DNHD1: variants seen among roughly 807,000 people sequenced by gnomAD.
The protein encoded by DNHD1 is dynein heavy chain domain 1, also known as dynein heavy chain domain-containing protein 1.
DNHD1 carries 383 observed loss-of-function variants against 458.1 expected under a neutral mutation model. The ratio of observed to expected loss-of-function variants is 0.84; its 90% CI spans 0.77 to 0.91. The LOEUF is 0.91. Among genes scored for constraint, DNHD1 ranks in the 40% least tolerant of loss-of-function variants. The probability of loss-of-function intolerance (pLI) is 0.00; values close to 1 mark genes in which losing one functional copy is unlikely to be tolerated. For synonymous variants in DNHD1, 2,203 were observed against 2,376.9 expected (o/e 0.93, Z 2.13); for missense variants, 5,336 against 5,866.1 (o/e 0.91, Z 2.95).
At chr11:6,566,171 C>T in intron 33 of DNHD1, 70 bp from the exon 34 acceptor site, 1 of 1,527,678 alleles carries the variant, frequency 6.5e-7, no homozygotes, top group Non-Finnish European at 8.8e-7. Context: ...AGAGCCAGAC[C>T]TCGTGCCTGG....
Position 6,533,141 on chromosome 11 carries a change from C to T in DNHD1, c.2462C>T (p.Thr821Ile), listed in dbSNP as rs1852863242. ...ELTDFMHIFRTINSDIHAIAQ... is the reference protein window; with the variant it reads ...ELTDFMHIFRIINSDIHAIAQ... ...ACAGATTTCATGCATATCTTCCGAA[C>T]CATCAACTCAGATATTCATGCCATT... Residue 821 changes from threonine (T) to isoleucine (I), a missense_variant, in exon 13 of 43, where the codon ACC becomes ATC. By Grantham distance (89) the Thr-to-Ile change is moderately conservative. Around this residue, in one of 4 missense-constraint regions of DNHD1, gnomAD observed 3,932 missense variants for 4,365.6 expected, o/e 0.90. Transcript: ENST00000254579. 1 of 1,551,678 alleles carries T rather than the reference C, an allele frequency of 6.4e-7. No individual in the cohort carries two copies. The highest frequency in any genetic ancestry group is 8.7e-7 in the Non-Finnish European group (1 of 1,146,988).
At position 6,557,114 on chromosome 11, in the gene DNHD1, A is replaced by G. The variant is rs1282349986; in HGVS notation, c.7819A>G (p.Arg2607Gly). 1 of 1,551,618 alleles carries G rather than the reference A, an allele frequency of 6.4e-7. No individual in the cohort carries two copies. The highest frequency in any genetic ancestry group is 8.7e-7 in the Non-Finnish European group (1 of 1,147,010). The change falls in exon 25 of 43, where the codon AGA becomes GGA. Residue 2607 changes from arginine to glycine, a missense_variant. Around this residue, in one of 4 missense-constraint regions of DNHD1, gnomAD observed 3,932 missense variants for 4,365.6 expected, o/e 0.90. Transcript: ENST00000254579. ...LLSSLQLLPNRTGSRGFVDYP... is the reference protein window; with the variant it reads ...LLSSLQLLPNGTGSRGFVDYP... The stretch of plus-strand genomic sequence containing the variant: ...GAGCAGCCTGCAGCTGCTGCCCAAC[A>G]GAACAGGCTCCCGAGGTTTTGTGGA...
intron 14 of DNHD1, 110 bp downstream of exon 14, chr11:6,534,283 G>A: frequency 9.0e-7 from 1 of 1,115,486 alleles, no homozygotes; most frequent in Non-Finnish European, 1.2e-6. Context: ...GCAAGCCTTG[G>A]GAATCACACA....
In DNHD1 at chr11:6,563,819, G is replaced by A. The variant is rs1229800119; in HGVS notation, c.9979G>A (p.Ala3327Thr). 1.9e-6 allele frequency: 3 copies of A among 1,551,530 alleles called. No homozygotes were observed. The highest frequency in any genetic ancestry group is 2.6e-6 in the Non-Finnish European group (3 of 1,147,002). The change falls in exon 31 of 43, where the codon GCA (alanine) becomes ACA (threonine). Residue 3327 changes from alanine (A) to threonine (T), a missense_variant. Physicochemically the swap from Ala to Thr is moderately conservative, Grantham distance 58. This residue lies in a region of DNHD1 where 3,932 missense variants were observed against 4,365.6 expected (regional missense o/e 0.90). Coordinates refer to ENST00000254579, the MANE Select transcript of DNHD1 (RefSeq NM_144666.3). Reference protein sequence around the residue: ...RAVSRPAASLAAWLWAVLHYG... With the variant: ...RAVSRPAASLTAWLWAVLHYG... Reference sequence around the variant, plus strand: ...AGTGAGCCGACCTGCAGCCAGCCTGGCAGCCTGGCTCTGGGCTGTTCTGCA... The same window carrying A: ...AGTGAGCCGACCTGCAGCCAGCCTGACAGCCTGGCTCTGGGCTGTTCTGCA...
rs1472986256 is a variant in DNHD1, at chr11:6,558,216, A to T, written c.8921A>T (p.Asp2974Val). 1 of 1,551,528 alleles carries T rather than the reference A, an allele frequency of 6.4e-7. No individual in the cohort carries two copies. The highest frequency in any genetic ancestry group is 8.7e-7 in the Non-Finnish European group (1 of 1,146,986). The change falls in exon 25 of 43, where the codon GAT becomes GTT. Residue 2974 changes from aspartate (D) to valine (V), a missense_variant. Coordinates refer to ENST00000254579, the MANE Select transcript of DNHD1 (RefSeq NM_144666.3). ...TTCCCTGGCCAGTACACAGAAGCAG[A>T]TTTGGACCGCATTGGAGAACACCTC... ...GSFPGQYTEA[D>V]LDRIGEHLPR... is the part of the protein sequence containing the mutation.
rs1250049541 is a variant in DNHD1, at chr11:6,552,153, G to A, written c.7387+3220G>A. ...TATGCTAATAAATTTAGCAACTTAG[G>A]TGAAATGGATACATGCTGTATTAGT... On this transcript the variant is annotated intron_variant, in intron 24 of 42. Coordinates refer to ENST00000254579, the MANE Select transcript of DNHD1 (RefSeq NM_144666.3). 4.0e-5 allele frequency among the ~76,000 whole-genome samples: 6 copies of A among 149,838 alleles called. 1 individual carries two copies. In the South Asian group the frequency reaches 8.6e-4, roughly 21 times the overall value.
rs1273301497 is a variant in DNHD1, at chr11:6,571,083, T to C, written c.13571T>C (p.Val4524Ala). The C allele has an allele frequency of 3.1e-6, 5 of 1,587,518 alleles. No homozygotes were observed. Among genetic ancestry groups the C allele is most frequent in the Non-Finnish European group, 4.3e-6 (5 of 1,166,470 alleles). Residue 4524 changes from valine to alanine, a missense_variant, in exon 42 of 43, where the codon GTG becomes GCG. Around this residue, in one of 4 missense-constraint regions of DNHD1, gnomAD observed 698 missense variants for 664.9 expected, o/e 1.05. Coordinates refer to ENST00000254579, the MANE Select transcript of DNHD1 (RefSeq NM_144666.3). The surrounding 1 kb of genome is among the most constrained non-coding windows in gnomAD (Gnocchi z 5.0). ...PPCPSRRCAA[V>A]AHALWTGRLP... The stretch of plus-strand genomic sequence containing the variant: ...TGCCCCTCCCGCCGCTGTGCTGCGG[T>C]GGCCCACGCTCTCTGGACTGGCCGC...
chr11:6,511,245 C>T (rs569751069), intron 6 of DNHD1, 28 bp from the exon 7 acceptor site: 1 of 1,611,188 alleles, frequency 6.2e-7, no homozygotes, highest in African/African-American at 1.3e-5. Flanking sequence ...GGGATGCCAG[C>T]TCTGACCAGC....
intron 7 of DNHD1, among the ~76,000 whole-genome samples, chr11:6,515,516 T>C (rs114011767): frequency 8.2e-4 from 125 of 152,294 alleles, no homozygotes; most frequent in African/African-American, 2.7e-3. Context: ...TGTAATACGA[T>C]TGGAACATTC....
intron 12 of DNHD1, among the ~76,000 whole-genome samples, chr11:6,530,109 A>G (rs10839573): frequency 0.51 from 76,849 of 152,076 alleles, 19,943 homozygotes; most frequent in East Asian, 0.84. Context: ...ACTACAACAC[A>G]TAACAGTATG....
At chr11:6,514,733 A>C (rs182793888) in intron 7 of DNHD1, among the ~76,000 whole-genome samples, 1 of 152,118 alleles carries the variant, frequency 6.6e-6, no homozygotes, top group East Asian at 1.9e-4. Context: ...TGTATACATT[A>C]TTTTCTAAAT....
At chr11:6,538,255 C>T (rs1853006033) in intron 14 of DNHD1, 128 bp from the exon 15 acceptor site, 2 of 724,322 alleles carry the variant, frequency 2.8e-6, no homozygotes, top group Admixed American at 2.5e-5. Context: ...GGAACTCCAC[C>T]TCCCCCACCC....
chr11:6,556,584 A>T, intron 24 of DNHD1, 99 bp from the exon 25 acceptor site: 7 of 1,234,820 alleles, frequency 5.7e-6, no homozygotes, highest in Non-Finnish European at 7.7e-6. Flanking sequence ...AGATTCACAA[A>T]ATTCCTTTAG....
chr11:6,568,618 G>A (rs1356858680), intron 38 of DNHD1, 42 bp downstream of exon 38: 1 of 1,613,684 alleles, frequency 6.2e-7, no homozygotes, highest in African/African-American at 1.3e-5. Context: ...ATTGGAAGTG[G>A]GAGGGCAACT....
In DNHD1 at chr11:6,539,206, T is replaced by C; in HGVS notation, c.3326-13T>C. The C allele has an allele frequency of 6.5e-7, 1 of 1,538,234 alleles. No individual in the cohort carries two copies. Among genetic ancestry groups the C allele is most frequent in the Non-Finnish European group, 8.8e-7 (1 of 1,134,884 alleles). On this transcript the variant is annotated splice_polypyrimidine_tract_variant and intron_variant, in intron 16 of 42. Transcript: ENST00000254579. ...TACTGGGTGTTGCTCTGACTTGTTTTCTCTACCTCCAGCCCTTGGGCTGGG... is the reference window on the plus strand; with the variant it reads ...TACTGGGTGTTGCTCTGACTTGTTTCCTCTACCTCCAGCCCTTGGGCTGGG...
In DNHD1 at chr11:6,548,425, G is replaced by A. The variant is rs878946808; in HGVS notation, c.7098+23G>A. On this transcript the variant is annotated intron_variant, in intron 23 of 42. Coordinates refer to ENST00000254579, the MANE Select transcript of DNHD1 (RefSeq NM_144666.3). This position sits in a 1 kb window ranked among gnomAD's most constrained non-coding sequence, Gnocchi z 4.4. The stretch of plus-strand genomic sequence containing the variant: ...CAGGTGTGAGGACAGTAAGGCAAGA[G>A]CTGGGGTTAGAACTTCAGGACTTAT... The A allele has an allele frequency of 1.3e-6, 2 of 1,549,252 alleles. No individual in the cohort carries two copies. Among genetic ancestry groups the A allele is most frequent in the South Asian group, 2.4e-5 (2 of 83,926 alleles).
At chr11:6,549,307 G>A (rs1281632391) in intron 24 of DNHD1, among the ~76,000 whole-genome samples, 1 of 152,180 alleles carries the variant, frequency 6.6e-6, no homozygotes, top group Non-Finnish European at 1.5e-5. Flanking sequence ...AGCCAGTCAT[G>A]TAAGCCAGAA....
chr11:6,507,697 G>T, intron 4 of DNHD1, among the ~76,000 whole-genome samples: 1 of 151,250 alleles, frequency 6.6e-6, no homozygotes, highest in Non-Finnish European at 1.5e-5. Context: ...CTACACTGTG[G>T]GAAGCTAAAT....
At position 6,570,980 on chromosome 11, in the gene DNHD1, C is replaced by G; in HGVS notation, c.13468C>G (p.Leu4490Val). The G allele has an allele frequency of 6.2e-7, 1 of 1,604,564 alleles. No individual in the cohort carries two copies. Among genetic ancestry groups the G allele is most frequent in the Non-Finnish European group, 8.5e-7 (1 of 1,172,840 alleles). ...GGAGGGCGTCTTAGAGACCGAGGCTCTAGAACTGAGCCAGTTGGTGGGCAC... is the reference window on the plus strand; with the variant it reads ...GGAGGGCGTCTTAGAGACCGAGGCTGTAGAACTGAGCCAGTTGGTGGGCAC... Reference protein sequence around the residue: ...PLEGVLETEALELSQLVGTLQ... With the variant: ...PLEGVLETEAVELSQLVGTLQ... Residue 4490 changes from leucine to valine, a missense_variant, in exon 42 of 43, where the codon CTA becomes GTA. This residue lies in a region of DNHD1 where 698 missense variants were observed against 664.9 expected (regional missense o/e 1.05). Transcript: ENST00000254579.
Sources: allele counts gnomAD v4.1 joint callset (sites outside exome capture counted in the v4.1 genomes callset), GRCh38; gene constraint gnomAD v4.1.1; regional missense constraint gnomAD v4.1.1; non-coding constraint Gnocchi (gnomAD v3.1); transcripts MANE v1.5; gene names NCBI Gene and HGNC (gene_info 2026-07-23, HGNC 2026-07-21).